The following OSBPL10 variants were observed in gnomAD, a reference collection of about 807,000 sequenced individuals.
The protein encoded by OSBPL10 is oxysterol-binding protein-related protein 10.
OSBPL10 carries 49 observed loss-of-function variants against 81.7 expected under a neutral mutation model. The ratio of observed to expected loss-of-function variants is 0.60; its 90% CI spans 0.48 to 0.76. The LOEUF is 0.76. OSBPL10 is among the 30% of genes least tolerant of loss of function. OSBPL10 has a pLI of 0.00. For synonymous variants in OSBPL10, 419 were observed against 383.6 expected, an observed-to-expected ratio of 1.09 and a Z score of -1.08; for missense variants, 923 against 987.8, an observed-to-expected ratio of 0.93 and a Z score of 0.88.
intron 2 of OSBPL10, chr3:32,030,082 C>A: frequency 5.2e-6 from 1 of 191,852 alleles, no homozygotes; most frequent in Non-Finnish European, 1.1e-5. Flanking sequence ...GAGAATATGT[C>A]AAAGAAGGTT....
At chr3:31,782,222 T>C (rs1284696754) in intron 4 of OSBPL10, among the ~76,000 whole-genome samples, 2 of 152,176 alleles carry the variant, frequency 1.3e-5, no homozygotes, top group Admixed American at 6.5e-5. Context: ...GATGGGATAA[T>C]TGGCAAACCA....
At chr3:31,982,268 C>T (rs979848570), upstream of OSBPL10, among the ~76,000 whole-genome samples, 5 of 152,180 alleles carry the variant, frequency 3.3e-5, no homozygotes, top group African/African-American at 7.2e-5. Context: ...TTCTATCCCA[C>T]TAATATTTTT....
chr3:31,999,479 G>A (rs997585006), intron 2 of OSBPL10, among the ~76,000 whole-genome samples: 1 of 149,834 alleles, frequency 6.7e-6, no homozygotes, highest in Non-Finnish European at 1.5e-5. Flanking sequence ...TTCTGCCTCA[G>A]CCTCCTGAGT....
At chr3:31,945,322 C>T (rs891790699) in intron 1 of OSBPL10, among the ~76,000 whole-genome samples, 1 of 152,092 alleles carries the variant, frequency 6.6e-6, no homozygotes, top group African/African-American at 2.4e-5. Flanking sequence ...AAGTCAACAC[C>T]AGTGACATGG....
chr3:31,812,771 AAAG>A, intron 4 of OSBPL10, among the ~76,000 whole-genome samples: 2 of 49,906 alleles, frequency 4.0e-5, no homozygotes, highest in African/African-American at 1.9e-4. Context: ...AGAAAGAAAG[AAAG>A]AAAGAAAGAA....
intron 8 of OSBPL10, among the ~76,000 whole-genome samples, chr3:31,674,260 C>A (rs1700397827): frequency 6.6e-6 from 1 of 151,984 alleles, no homozygotes; most frequent in African/African-American, 2.4e-5. Context: ...AGCTAGTTGT[C>A]AAAAAGAGGC....
At chr3:31,965,836 T>C (rs1361782923) in intron 1 of OSBPL10, among the ~76,000 whole-genome samples, 1 of 84,090 alleles carries the variant, frequency 1.2e-5, no homozygotes, top group Non-Finnish European at 1.9e-5. Context: ...AAATATATAA[T>C]ATATATTATA....
At chr3:31,720,012 T>C (rs1240090253) in intron 6 of OSBPL10, among the ~76,000 whole-genome samples, 1 of 150,238 alleles carries the variant, frequency 6.7e-6, no homozygotes, top group African/African-American at 2.4e-5. Context: ...TTACTCATAC[T>C]GTGATTCCAC....
chr3:31,765,249 G>A (rs1442718244), intron 4 of OSBPL10, among the ~76,000 whole-genome samples: 1 of 151,804 alleles, frequency 6.6e-6, no homozygotes, highest in African/African-American at 2.4e-5. Flanking sequence ...CGTTATCCAG[G>A]CTGGTCTAGA....
intron 1 of OSBPL10, among the ~76,000 whole-genome samples, chr3:31,931,216 G>GT (rs1220189276): frequency 6.6e-6 from 1 of 151,746 alleles, no homozygotes; most frequent in Non-Finnish European, 1.5e-5. Context: ...CCATGTGAAC[G>GT]TAATACCTAC....
At chr3:31,666,805 A>G (rs1385851051) in intron 10 of OSBPL10, among the ~76,000 whole-genome samples, 2 of 152,230 alleles carry the variant, frequency 1.3e-5, no homozygotes, top group African/African-American at 2.4e-5. Flanking sequence ...ACAATATACC[A>G]TAATAAAAGT....
chr3:32,047,701 C>T (rs1262626070), intron 1 of OSBPL10, among the ~76,000 whole-genome samples: 5 of 150,420 alleles, frequency 3.3e-5, no homozygotes, highest in Admixed American at 1.3e-4. Flanking sequence ...CTTGCTCTGT[C>T]GCCCAGGCTG....
chr3:31,990,340 A>G, intron 2 of OSBPL10: 2 of 1,614,148 alleles, frequency 1.2e-6, no homozygotes, highest in South Asian at 2.2e-5. Context: ...GAGAATCCAT[A>G]ATGAAGAGAG....
intron 2 of OSBPL10, among the ~76,000 whole-genome samples, chr3:32,019,716 A>T (rs1699344834): frequency 6.6e-6 from 1 of 152,250 alleles, no homozygotes; most frequent in East Asian, 1.9e-4. Context: ...TGATGCAATT[A>T]TAAAAAATTA....
intron 4 of OSBPL10, among the ~76,000 whole-genome samples, chr3:31,749,493 A>G (rs1285405355): frequency 6.6e-6 from 1 of 152,238 alleles, no homozygotes; most frequent in Non-Finnish European, 1.5e-5. Context: ...AGAGCTCAAT[A>G]AGTACTCATT....
chr3:31,979,188 A>G (rs999362469), intron 1 of OSBPL10, among the ~76,000 whole-genome samples: 1 of 152,188 alleles, frequency 6.6e-6, no homozygotes, highest in African/African-American at 2.4e-5. Flanking sequence ...CTACCTACGC[A>G]TTCTACCTAT....
At chr3:31,881,801 C>G (rs1385071086) in intron 1 of OSBPL10, among the ~76,000 whole-genome samples, 1 of 152,176 alleles carries the variant, frequency 6.6e-6, no homozygotes, top group African/African-American at 2.4e-5. Context: ...CCTAGAAGCA[C>G]CAACAACCAG....
At chr3:31,822,553 A>G (rs1278309060) in intron 4 of OSBPL10, among the ~76,000 whole-genome samples, 1 of 152,168 alleles carries the variant, frequency 6.6e-6, no homozygotes, top group Non-Finnish European at 1.5e-5. Flanking sequence ...ACTTGTACCA[A>G]TTGAACTTGT....
intron 1 of OSBPL10, among the ~76,000 whole-genome samples, chr3:31,920,232 G>A (rs1696871276): frequency 6.6e-6 from 1 of 152,112 alleles, no homozygotes; most frequent in South Asian, 2.1e-4. Flanking sequence ...CTGTATTGGT[G>A]GATATGTGAC....
Sources: allele counts gnomAD v4.1 joint callset (sites outside exome capture counted in the v4.1 genomes callset), GRCh38; gene constraint gnomAD v4.1.1; transcripts MANE v1.5; gene names NCBI Gene and HGNC (gene_info 2026-07-23, HGNC 2026-07-21).